The following SNORC variants were observed in gnomAD, a reference collection of about 807,000 sequenced individuals.
SNORC encodes the protein protein SNORC.
SNORC carries 11 observed loss-of-function variants against 9.7 expected under a neutral mutation model. The ratio of observed to expected loss-of-function variants is 1.14; its 90% CI spans 0.72 to 1.88. SNORC has a LOEUF of 1.88. SNORC is among the 40% of genes most tolerant of loss of function. SNORC has a pLI of 0.00. For synonymous variants in SNORC, 108 were observed against 88.7 expected, an observed-to-expected ratio of 1.22 and a Z score of -1.22; for missense variants, 197 against 173.1, an observed-to-expected ratio of 1.14 and a Z score of -0.77.
exon 1 of SNORC, chr2:232,870,362 G>A: frequency 6.4e-7 from 1 of 1,566,028 alleles, no homozygotes; most frequent in Non-Finnish European, 8.7e-7. Context: ...GTCTGGCCCT[G>A]CGCATGGCGC....
chr2:232,874,953 A>G (rs1691163326), intron 1 of SNORC, among the ~76,000 whole-genome samples: 1 of 152,236 alleles, frequency 6.6e-6, no homozygotes, highest in Non-Finnish European at 1.5e-5. Context: ...AGCTGGAGTC[A>G]AAGAGATGAG....
intron 1 of SNORC, 125 bp from the exon 2 acceptor site, chr2:232,875,815 A>T: frequency 1.0e-6 from 1 of 972,588 alleles, no homozygotes; most frequent in Non-Finnish European, 1.5e-6. Flanking sequence ...TGTGAGGGCT[A>T]GTGCAGCGCT....
At position 232,876,073 on chromosome 2, in the gene SNORC, G is replaced by T. The variant is rs768482109; in HGVS notation, c.207G>T (p.Ala69=). Residue 69 remains alanine, a synonymous_variant, in exon 2 of 3, where the codon GCG becomes GCT. Coordinates refer to ENST00000331342, the Ensembl canonical transcript of SNORC. This position sits in a 1 kb window ranked among gnomAD's most constrained non-coding sequence, Gnocchi z 6.8. ...CCGGTCCCCCAGCCCCCACCGTCGC[G>T]CCAGGACCCGAGGACAGCACCGCGC... The T allele has an allele frequency of 2.0e-6, 3 of 1,527,464 alleles. No individual in the cohort carries two copies. The highest frequency in any genetic ancestry group is 2.5e-5 in the East Asian group (1 of 39,794). 94.6% of individuals were successfully genotyped at this position (1,527,464 alleles called of 1,614,324 possible).
At chr2:232,868,731 A>G (rs1690923422), upstream of SNORC, among the ~76,000 whole-genome samples, 1 of 152,168 alleles carries the variant, frequency 6.6e-6, no homozygotes, top group African/African-American at 2.4e-5. Context: ...CATAGCATCC[A>G]GGCTTTTACT....
At chr2:232,876,777 G>T, downstream of SNORC, 2 of 985,302 alleles carry the variant, frequency 2.0e-6, no homozygotes, top group Non-Finnish European at 1.2e-6. The surrounding 1 kb of genome is among the most constrained non-coding windows in gnomAD (Gnocchi z 6.8). Flanking sequence ...CCGTCCGGGG[G>T]CACCGTCACG....
intron 1 of SNORC, among the ~76,000 whole-genome samples, chr2:232,873,881 C>T (rs1476406909): frequency 6.6e-6 from 1 of 152,248 alleles, no homozygotes; most frequent in Non-Finnish European, 1.5e-5. Context: ...GACATCAGTG[C>T]TACAGTGCAG....
intron 1 of SNORC, among the ~76,000 whole-genome samples, chr2:232,872,055 C>A (rs533991261): frequency 6.6e-6 from 1 of 152,238 alleles, no homozygotes; most frequent in African/African-American, 2.4e-5. Flanking sequence ...GCAGGCCCCC[C>A]GCAGGGGCCA....
At chr2:232,871,571 C>T (rs929156211) in intron 1 of SNORC, among the ~76,000 whole-genome samples, 1 of 152,168 alleles carries the variant, frequency 6.6e-6, no homozygotes, top group Non-Finnish European at 1.5e-5. Context: ...CCCTCCCTGG[C>T]ACAGGGTGGT....
At chr2:232,868,209 G>C (rs1690913124), upstream of SNORC, among the ~76,000 whole-genome samples, 1 of 139,052 alleles carries the variant, frequency 7.2e-6, no homozygotes, top group African/African-American at 2.7e-5. Context: ...CAATTCTTGT[G>C]CCTCAGCCTT....
intron 1 of SNORC, among the ~76,000 whole-genome samples, chr2:232,873,242 G>A (rs867877132): frequency 6.6e-6 from 1 of 152,214 alleles, no homozygotes; most frequent in Non-Finnish European, 1.5e-5. Flanking sequence ...GCAAGGATAG[G>A]CCCCAGCCCT....
In SNORC at chr2:232,876,333, C is replaced by T; in HGVS notation, c.343C>T (p.Leu115=). The change falls in exon 3 of 3, where the codon CTG becomes TTG. Residue 115 remains leucine, a synonymous_variant. Transcript: ENST00000331342. The surrounding 1 kb of genome is among the most constrained non-coding windows in gnomAD (Gnocchi z 6.8). ...GGTGCTGGCGCTCGTGGTCGTCGCG[C>T]TGAGAAAGTTTTCTGCCTCCTGAAG... 1 of 1,546,064 alleles carries T rather than the reference C, an allele frequency of 6.5e-7. No individual in the cohort carries two copies. Among genetic ancestry groups the T allele is most frequent in the Non-Finnish European group, 8.7e-7 (1 of 1,149,678 alleles).
At chr2:232,875,796 C>T in intron 1 of SNORC, 144 bp from the exon 2 acceptor site, 1 of 895,884 alleles carries the variant, frequency 1.1e-6, no homozygotes. Context: ...AGCTTCTTAG[C>T]CTGGGAAATG....
downstream of SNORC, chr2:232,876,712 G>A: frequency 1.0e-6 from 1 of 988,358 alleles, no homozygotes; most frequent in Non-Finnish European, 1.2e-6. The surrounding 1 kb of genome is among the most constrained non-coding windows in gnomAD (Gnocchi z 6.8). Flanking sequence ...TGCCCGGTGC[G>A]CGTGCGCCGG....
chr2:232,877,054 C>CTT, downstream of SNORC: 1 of 985,774 alleles, frequency 1.0e-6, no homozygotes, highest in Non-Finnish European at 1.2e-6. Flanking sequence ...CGTCTTGACT[C>CTT]TGAGTCCTGC....
At chr2:232,872,817 C>CT (rs150226576) in intron 1 of SNORC, among the ~76,000 whole-genome samples, 7,597 of 152,344 alleles carry the variant, frequency 0.05, 249 homozygotes, top group Non-Finnish European at 0.076. Context: ...CTCAGCTTTG[C>CT]TTTCCCTTCT....
chr2:232,869,891 G>A, upstream of SNORC: 1 of 267,230 alleles, frequency 3.7e-6, no homozygotes, highest in Non-Finnish European at 7.3e-6. Context: ...CAGGCCACAG[G>A]CACTAACATG....
chr2:232,876,673 G>C (rs575090526), downstream of SNORC: 1,263 of 1,003,902 alleles, frequency 1.3e-3, 5 homozygotes, highest in African/African-American at 0.02. This position sits in a 1 kb window ranked among gnomAD's most constrained non-coding sequence, Gnocchi z 6.8. Context: ...ACCACGGCTG[G>C]AGTGCCTCAG....
chr2:232,868,262 A>G (rs1690914106), upstream of SNORC, among the ~76,000 whole-genome samples: 1 of 151,164 alleles, frequency 6.6e-6, no homozygotes, highest in East Asian at 1.9e-4. Flanking sequence ...ATGCCTGGCT[A>G]ATTTTCATAT....
Position 232,876,365 on chromosome 2 carries a change from A to G in SNORC, c.*9A>G. 6.6e-7 allele frequency: 1 copy of G among 1,513,522 alleles called. No individual in the cohort carries two copies. Among genetic ancestry groups the G allele is most frequent in the Non-Finnish European group, 8.8e-7 (1 of 1,133,688 alleles). The allele number at this position is 1,513,522 out of a possible 1,614,324, so 93.8% of individuals were successfully genotyped here. A position where few individuals can be genotyped will look rare whatever the true frequency, so the allele number is the denominator to read the frequency against. ...AGTTTTCTGCCTCCTGAAGCGAATA[A>G]AGGGGCCGCGCCCGGCCGCGGCGCG... is the stretch of plus-strand genomic sequence containing the variant. On this transcript the variant is annotated 3_prime_UTR_variant, in exon 3 of 3. Transcript: ENST00000331342. The surrounding 1 kb of genome is among the most constrained non-coding windows in gnomAD (Gnocchi z 6.8).
Sources: gnomAD v4.1 joint callset for allele counts (sites outside exome capture counted in the v4.1 genomes callset) on GRCh38, gnomAD v4.1.1 for gene constraint, Gnocchi (gnomAD v3.1) non-coding constraint, MANE v1.5 for transcripts, NCBI Gene and HGNC (gene_info 2026-07-23, HGNC 2026-07-21) for gene names.